RASGRF2: variants seen among roughly 807,000 people sequenced by gnomAD.
RASGRF2 encodes the protein ras-specific guanine nucleotide-releasing factor 2.
RASGRF2 carries 76 observed loss-of-function variants against 151.0 expected under a neutral mutation model. The observed-to-expected ratio is 0.50, with a 90% confidence interval of 0.42 to 0.61. The LOEUF is 0.61. Ranked by LOEUF, RASGRF2 falls within the 20% of genes least tolerant of loss-of-function variation. The pLI is 0.00. For synonymous variants in RASGRF2, 504 were observed against 566.5 expected, an observed-to-expected ratio of 0.89 and a Z score of 1.57; for missense variants, 1,148 against 1,564.6, an observed-to-expected ratio of 0.73 and a Z score of 4.49.
chr5:81,152,628 A>T (rs140589998), intron 17 of RASGRF2, among the ~76,000 whole-genome samples: 148 of 152,352 alleles, frequency 9.7e-4, no homozygotes, highest in African/African-American at 3.4e-3. Context: ...TGAGAATGGT[A>T]GAGTGAGGAG....
At chr5:81,168,856 CA>C (rs1754577218) in intron 17 of RASGRF2, among the ~76,000 whole-genome samples, 1 of 152,230 alleles carries the variant, frequency 6.6e-6, no homozygotes, top group Non-Finnish European at 1.5e-5. Context: ...GCATTTGACA[CA>C]GCGATCACTT....
rs185599105 is a variant in RASGRF2, at chr5:81,144,925, T to A, written c.2686+17762T>A. ...TCAGTACTTTATTGCCTTGGCCCAA[T>A]GCACACTTGATGTTTAAAAAATAAG... On this transcript the variant is annotated intron_variant, in intron 17 of 26. Coordinates refer to ENST00000265080, the MANE Select transcript of RASGRF2 (RefSeq NM_006909.3). Among the ~76,000 whole-genome samples the A allele has an allele frequency of 7.2e-4, 109 of 152,204 alleles. 1 individual carries two copies. Among genetic ancestry groups the A allele is most frequent in the Non-Finnish European group, 1.2e-3 (80 of 68,016 alleles).
chr5:81,011,760 A>G (rs1262297264), intron 1 of RASGRF2, among the ~76,000 whole-genome samples: 1 of 152,158 alleles, frequency 6.6e-6, no homozygotes, highest in Non-Finnish European at 1.5e-5. Flanking sequence ...AACAAAAAAA[A>G]AAAAAGGAAA....
chr5:81,057,350 A>G (rs1251431063), intron 2 of RASGRF2, among the ~76,000 whole-genome samples: 1 of 152,102 alleles, frequency 6.6e-6, no homozygotes, highest in Non-Finnish European at 1.5e-5. Flanking sequence ...TCCTCAGTCA[A>G]AATAAGTGGG....
intron 17 of RASGRF2, among the ~76,000 whole-genome samples, chr5:81,162,807 A>G (rs1248885721): frequency 1.3e-5 from 2 of 152,144 alleles, no homozygotes; most frequent in East Asian, 1.9e-4. Flanking sequence ...CGTGCTATCT[A>G]TTATCCATTA....
chr5:81,211,790 C>T (rs1755635532), intron 22 of RASGRF2, among the ~76,000 whole-genome samples: 2 of 152,146 alleles, frequency 1.3e-5, no homozygotes, highest in South Asian at 4.1e-4. Flanking sequence ...TACTTAGCCT[C>T]AAAACTATAG....
intron 17 of RASGRF2, among the ~76,000 whole-genome samples, chr5:81,139,405 CT>C (rs757190046): frequency 6.5e-4 from 39 of 60,428 alleles, no homozygotes; most frequent in African/African-American, 8.1e-4. Context: ...TTCTTTCTTT[CT>C]TTTTTTTTTT....
In RASGRF2 at chr5:81,080,579, T is replaced by C; in HGVS notation, c.968-17T>C. On this transcript the variant is annotated splice_polypyrimidine_tract_variant and intron_variant, in intron 6 of 26. Coordinates refer to ENST00000265080, the MANE Select transcript of RASGRF2 (RefSeq NM_006909.3). ...CAAGCAACAAGGGAAACAGCCGTGT[T>C]TACTGTTTCTTTGCAGCTGATCTGT... The C allele has an allele frequency of 1.2e-6, 2 of 1,605,018 alleles. No homozygotes were observed. Among genetic ancestry groups the C allele is most frequent in the South Asian group, 2.2e-5 (2 of 90,402 alleles).
At chr5:81,057,606 C>T (rs1022351985) in intron 2 of RASGRF2, among the ~76,000 whole-genome samples, 6 of 152,016 alleles carry the variant, frequency 3.9e-5, no homozygotes, top group African/African-American at 7.3e-5. Context: ...GGTGATGCTT[C>T]GGTACACACA....
At chr5:81,078,277 T>C (rs1580287922) in intron 5 of RASGRF2, among the ~76,000 whole-genome samples, 1 of 152,326 alleles carries the variant, frequency 6.6e-6, no homozygotes, top group East Asian at 1.9e-4. Context: ...CTTCTAGATA[T>C]TTTGAAATAA....
In RASGRF2 at chr5:81,143,446, C is replaced by G. The variant is rs138934902; in HGVS notation, c.2686+16283C>G. Among the ~76,000 whole-genome samples, 554 of 151,844 alleles carry G rather than the reference C, an allele frequency of 3.6e-3. 1 individual carries two copies. The highest frequency in any genetic ancestry group is 0.013 in the African/African-American group (537 of 41,406). On this transcript the variant is annotated intron_variant, in intron 17 of 26. Transcript: ENST00000265080. ...TACAGGTATGAGCCAACACACCTGG[C>G]CTGAAAAAAAATACAAATTTTTTAA...
At chr5:81,110,626 T>C (rs1328473638) in intron 13 of RASGRF2, among the ~76,000 whole-genome samples, 1 of 149,518 alleles carries the variant, frequency 6.7e-6, no homozygotes, top group Non-Finnish European at 1.5e-5. Flanking sequence ...TATCCCTTTA[T>C]AGGGTATGTA....
intron 17 of RASGRF2, among the ~76,000 whole-genome samples, chr5:81,166,847 T>C (rs1057436508): frequency 2.6e-5 from 4 of 152,110 alleles, no homozygotes; most frequent in South Asian, 2.1e-4. Context: ...AGGCCGTTCA[T>C]TGAGCTAAGC....
intron 12 of RASGRF2, among the ~76,000 whole-genome samples, chr5:81,104,536 T>C (rs1317064216): frequency 1.3e-5 from 2 of 152,192 alleles, no homozygotes; most frequent in Non-Finnish European, 2.9e-5. Flanking sequence ...TTTCCAATTC[T>C]CTTTTATATA....
chr5:81,185,791 C>G (rs1421384260), intron 18 of RASGRF2, among the ~76,000 whole-genome samples: 1 of 152,162 alleles, frequency 6.6e-6, no homozygotes, highest in Non-Finnish European at 1.5e-5. Context: ...GCAGCCCACG[C>G]CAGGGCTAGA....
chr5:81,153,536 A>G (rs916091003), intron 17 of RASGRF2, among the ~76,000 whole-genome samples: 4 of 152,206 alleles, frequency 2.6e-5, no homozygotes, highest in Non-Finnish European at 5.9e-5. Flanking sequence ...CCTTGCTAGC[A>G]CCTTGCTTTT....
chr5:81,216,355 A>ACACACACACACACG (rs1332752984), intron 24 of RASGRF2, among the ~76,000 whole-genome samples: 1 of 129,602 alleles, frequency 7.7e-6, no homozygotes. Flanking sequence ...TTCTACACAC[A>ACACACACACACACG]CACACACACA....
chr5:81,035,001 T>C (rs1190223806), intron 1 of RASGRF2, among the ~76,000 whole-genome samples: 1 of 151,922 alleles, frequency 6.6e-6, no homozygotes, highest in Non-Finnish European at 1.5e-5. Context: ...TGTGGAGAAA[T>C]AGAAACACTT....
intron 9 of RASGRF2, among the ~76,000 whole-genome samples, chr5:81,089,295 G>A (rs1752326538): frequency 6.6e-6 from 1 of 152,070 alleles, no homozygotes; most frequent in Non-Finnish European, 1.5e-5. Flanking sequence ...TAATATTTGT[G>A]TTAATTACTT....
Sources: allele counts gnomAD v4.1 joint callset (sites outside exome capture counted in the v4.1 genomes callset), GRCh38; gene constraint gnomAD v4.1.1; transcripts MANE v1.5; gene names NCBI Gene and HGNC (gene_info 2026-07-23, HGNC 2026-07-21).